The following UBE2E2 variants were observed in gnomAD, a reference collection of about 807,000 sequenced individuals.
UBE2E2 encodes ubiquitin conjugating enzyme E2 E2, also known as ubiquitin-conjugating enzyme E2 E2.
A neutral mutation model predicts 24.7 loss-of-function variants in UBE2E2; 6 were observed. The observed-to-expected ratio is 0.24, with a 90% CI of 0.13 to 0.48. The LOEUF (loss-of-function observed/expected upper bound fraction) is 0.48, where lower values mean the gene tolerates loss of function less well. UBE2E2 is among the 20% of genes least tolerant of loss of function. UBE2E2 has a pLI of 0.99. For synonymous variants in UBE2E2, 104 were observed against 83.6 expected (o/e 1.24, Z -1.33); for missense variants, 169 against 245.0 (o/e 0.69, Z 2.07).
intron 4 of UBE2E2, among the ~76,000 whole-genome samples, chr3:23,507,673 G>A (rs1249229190): frequency 1.3e-5 from 2 of 152,194 alleles, no homozygotes; most frequent in Non-Finnish European, 2.9e-5. Flanking sequence ...TATAGAGAAG[G>A]TTGAGGTTGC....
At chr3:23,431,051 A>C (rs1313942898) in intron 3 of UBE2E2, among the ~76,000 whole-genome samples, 1 of 152,168 alleles carries the variant, frequency 6.6e-6, no homozygotes, top group Non-Finnish European at 1.5e-5. Flanking sequence ...TTCAGTGCTG[A>C]CTTTACAACA....
chr3:23,303,859 GC>G (rs924315565), intron 3 of UBE2E2, among the ~76,000 whole-genome samples: 2 of 152,100 alleles, frequency 1.3e-5, no homozygotes, highest in Non-Finnish European at 2.9e-5. Context: ...AGTTCTCAGG[GC>G]TCTCCTCATA....
chr3:23,585,397 T>G (rs937826145), intron 5 of UBE2E2, among the ~76,000 whole-genome samples: 1 of 150,014 alleles, frequency 6.7e-6, no homozygotes, highest in Non-Finnish European at 1.5e-5. Context: ...AAAGACATGA[T>G]TTTTATTAAA....
chr3:23,492,373 C>G (rs185777973), intron 3 of UBE2E2, among the ~76,000 whole-genome samples: 2 of 152,184 alleles, frequency 1.3e-5, no homozygotes, highest in African/African-American at 4.8e-5. Flanking sequence ...TCTCACTACC[C>G]TATTCCCTGG....
chr3:23,335,462 A>G (rs1695178348), intron 3 of UBE2E2, among the ~76,000 whole-genome samples: 1 of 152,138 alleles, frequency 6.6e-6, no homozygotes, highest in Non-Finnish European at 1.5e-5. Context: ...GGATTTGCTT[A>G]TTTCTTGTAG....
chr3:23,416,172 C>T lies in UBE2E2; in HGVS notation c.228-83436C>T, dbSNP rs531828980. ...ATTGGCATTTGGGTTAGTTCCAAGT[C>T]TTTGCTATTGTGAACAGTGCTGCAG... is the stretch of plus-strand genomic sequence containing the variant. On this transcript the variant is annotated intron_variant, in intron 3 of 5. Transcript: ENST00000396703. 2.6e-5 allele frequency among the ~76,000 whole-genome samples: 4 copies of T among 152,292 alleles called. No homozygotes were observed. The South Asian group carries it at 8.3e-4, about 32-fold the overall frequency.
intron 3 of UBE2E2, among the ~76,000 whole-genome samples, chr3:23,492,322 G>A (rs1236634987): frequency 6.6e-6 from 1 of 152,184 alleles, no homozygotes; most frequent in Non-Finnish European, 1.5e-5. Flanking sequence ...CTGCTTATAA[G>A]CAAGGATTGC....
At chr3:23,566,634 A>C (rs1696080299) in intron 5 of UBE2E2, among the ~76,000 whole-genome samples, 1 of 152,136 alleles carries the variant, frequency 6.6e-6, no homozygotes, top group African/African-American at 2.4e-5. Context: ...ACATGGTGAG[A>C]GAAGGAGCAA....
intron 3 of UBE2E2, among the ~76,000 whole-genome samples, chr3:23,333,540 A>G (rs1205729521): frequency 1.3e-5 from 2 of 152,148 alleles, no homozygotes; most frequent in Non-Finnish European, 2.9e-5. Flanking sequence ...ATTGCCTGCC[A>G]TGCCTATTTG....
intron 5 of UBE2E2, among the ~76,000 whole-genome samples, chr3:23,581,473 A>G (rs1696476417): frequency 6.6e-6 from 1 of 152,216 alleles, no homozygotes; most frequent in African/African-American, 2.4e-5. Context: ...AAAGATGCAC[A>G]CAAATACATA....
At chr3:23,412,906 A>G (rs1408282683) in intron 3 of UBE2E2, among the ~76,000 whole-genome samples, 1 of 152,060 alleles carries the variant, frequency 6.6e-6, no homozygotes, top group African/African-American at 2.4e-5. Flanking sequence ...ATTCCTTTTT[A>G]TAATTGTTGG....
chr3:23,358,415 C>G (rs1359083793), intron 3 of UBE2E2, among the ~76,000 whole-genome samples: 2 of 152,090 alleles, frequency 1.3e-5, no homozygotes, highest in South Asian at 2.1e-4. Context: ...TAAAATTAGT[C>G]TGGGAACATT....
In UBE2E2 at chr3:23,468,309, A is replaced by C. The variant is rs535547760; in HGVS notation, c.228-31299A>C. On this transcript the variant is annotated intron_variant, in intron 3 of 5. Transcript: ENST00000396703. ...GCAGTTGTTTTTCTCTACTTCCTTG[A>C]TTCAAATCTTATTTCTCCAATAAAA... Among the ~76,000 whole-genome samples the C allele has an allele frequency of 5.9e-5, 9 of 152,210 alleles. No individual in the cohort carries two copies. The East Asian group carries it at 1.7e-3, about 29-fold the overall frequency.
At chr3:23,281,650 G>A (rs571079660) in intron 3 of UBE2E2, among the ~76,000 whole-genome samples, 1 of 152,132 alleles carries the variant, frequency 6.6e-6, no homozygotes, top group East Asian at 1.9e-4. Flanking sequence ...TAAAAAAGAA[G>A]GAGAAGGAGG....
At chr3:23,470,834 G>A (rs569478657) in intron 3 of UBE2E2, among the ~76,000 whole-genome samples, 33 of 150,526 alleles carry the variant, frequency 2.2e-4, no homozygotes, top group East Asian at 1.4e-3. Flanking sequence ...TTTTTTTTGC[G>A]TGAACTCCAC....
intron 3 of UBE2E2, among the ~76,000 whole-genome samples, chr3:23,332,673 GGGTGTGT>G (rs1396802535): frequency 1.7e-3 from 136 of 80,592 alleles, no homozygotes; most frequent in Non-Finnish European, 2.8e-3. Context: ...GCAGCCAGTG[GGGTGTGT>G]GTGTGTGTGT....
At position 23,243,362 on chromosome 3, in the gene UBE2E2, A is replaced by G. The variant is rs571431873; in HGVS notation, c.227+26050A>G. 1.2e-4 allele frequency among the ~76,000 whole-genome samples: 19 copies of G among 152,328 alleles called. No individual in the cohort carries two copies. In the South Asian group the frequency reaches 3.7e-3, roughly 30 times the overall value. On this transcript the variant is annotated intron_variant, in intron 3 of 5. Coordinates refer to ENST00000396703, the MANE Select transcript of UBE2E2 (RefSeq NM_152653.4). Reference sequence around the variant, plus strand: ...GCTCCCAGCAGTTCTGTAATGGCAGAGAATAGCATTTTGTTTTTCTAAATA... The same window carrying G: ...GCTCCCAGCAGTTCTGTAATGGCAGGGAATAGCATTTTGTTTTTCTAAATA...
chr3:23,241,310 C>T (rs9810035), intron 3 of UBE2E2, among the ~76,000 whole-genome samples: 2,057 of 152,258 alleles, frequency 0.014, 48 homozygotes, highest in African/African-American at 0.046. Flanking sequence ...TATTGCCACA[C>T]CCTCCCAACA....
intron 3 of UBE2E2, among the ~76,000 whole-genome samples, chr3:23,493,578 T>A (rs2125451185): frequency 6.6e-6 from 1 of 152,350 alleles, no homozygotes; most frequent in South Asian, 2.1e-4. Flanking sequence ...AGGGAATTGA[T>A]CATTTTCAGA....
Sources: gnomAD v4.1 joint callset for allele counts (sites outside exome capture counted in the v4.1 genomes callset) on GRCh38, gnomAD v4.1.1 for gene constraint, MANE v1.5 for transcripts, NCBI Gene and HGNC (gene_info 2026-07-23, HGNC 2026-07-21) for gene names.